The following TMPRSS2 variants were observed in gnomAD, a reference collection of about 807,000 sequenced individuals.
TMPRSS2 encodes the protein transmembrane serine protease 2.
Under a neutral mutation model 67.4 loss-of-function variants are expected in TMPRSS2, and 59 were observed. The ratio of observed to expected loss-of-function variants is 0.88; its 90% CI spans 0.71 to 1.09. The LOEUF (loss-of-function observed/expected upper bound fraction) is 1.09, where lower values mean the gene tolerates loss of function less well. Ranked by LOEUF, TMPRSS2 falls within the 50% of genes least tolerant of loss-of-function variation. The pLI is 0.00. For missense variants in TMPRSS2, 668 were observed against 642.7 expected (o/e 1.04, Z -0.43); for synonymous variants, 257 against 257.0 (o/e 1.00, Z 0.00).
Position 41,465,871 on chromosome 21 carries a change from C to T in TMPRSS2, c.*271G>A, listed in dbSNP as rs569561312. 5.8e-6 allele frequency: 3 copies of T among 517,866 alleles called. No individual in the cohort carries two copies. The East Asian group carries it at 9.7e-5, about 17-fold the overall frequency. The allele number at this position is 517,866 out of a possible 1,614,324, so 32.1% of individuals were successfully genotyped here. On this transcript the variant is annotated 3_prime_UTR_variant, in exon 14 of 14. Coordinates refer to ENST00000332149, the MANE Select transcript of TMPRSS2 (RefSeq NM_005656.4). ...CAGCAGGAAGATCTCAATGGGGCAGCCTCCACCCCTCTCCTCCACACTTGA... is the reference window on the plus strand; with the variant it reads ...CAGCAGGAAGATCTCAATGGGGCAGTCTCCACCCCTCTCCTCCACACTTGA...
chr21:41,502,290 C>G (rs2091429655), intron 1 of TMPRSS2: 1 of 769,294 alleles, frequency 1.3e-6, no homozygotes, highest in African/African-American at 1.9e-5. Context: ...AACAACCAAG[C>G]CAACGCGAAT....
chr21:41,482,267 G>A (rs1323068587), intron 5 of TMPRSS2, among the ~76,000 whole-genome samples: 1 of 152,050 alleles, frequency 6.6e-6, no homozygotes, highest in Non-Finnish European at 1.5e-5. Context: ...CTCCCTAGAG[G>A]TAACCACCAT....
chr21:41,467,802 T>G lies in TMPRSS2; in HGVS notation c.1399A>C (p.Lys467Gln), dbSNP rs1179096287. ...GDTSWGSGCA[K>Q]AYRPGVYGNV... ...CCGTACACTCCTGGTCTGTAAGCTT[T>G]GGCACAGCCAGAACCCCAGCTTGTA... The change falls in exon 13 of 14, where the codon AAA becomes CAA. Residue 467 changes from lysine (K) to glutamine (Q), a missense_variant. Coordinates refer to ENST00000332149, the MANE Select transcript of TMPRSS2 (RefSeq NM_005656.4). 28 of 1,614,126 alleles carry G rather than the reference T, an allele frequency of 1.7e-5. No homozygotes were observed. Among genetic ancestry groups the G allele is most frequent in the Non-Finnish European group, 2.3e-5 (27 of 1,180,060 alleles).
chr21:41,499,273 A>T (rs949990671), intron 1 of TMPRSS2, among the ~76,000 whole-genome samples: 7 of 152,182 alleles, frequency 4.6e-5, no homozygotes, highest in African/African-American at 1.7e-4. Flanking sequence ...TAACAATAAT[A>T]GCTAGAGATG....
rs2091097556 is a variant in TMPRSS2, at chr21:41,467,843, C to T, written c.1358G>A (p.Trp453Ter). 2.5e-6 allele frequency: 4 copies of T among 1,614,098 alleles called. No homozygotes were observed. The highest frequency in any genetic ancestry group is 2.5e-6 in the Non-Finnish European group (3 of 1,180,048). The change falls in exon 13 of 14, where the codon TGG (tryptophan) becomes TAG (stop). Residue 453 changes from tryptophan (W) to a stop codon, truncating the protein, a stop_gained. Coordinates refer to ENST00000332149, the MANE Select transcript of TMPRSS2 (RefSeq NM_005656.4). LOFTEE classifies it high-confidence loss of function. Reference protein sequence around the residue: ...GPLVTSKNNIWWLIGDTSWGS... With the variant: ...GPLVTSKNNI ...CCAGCTTGTATCCCCTATCAGCCAC[C>T]AGATATTGTTCTTCGAAGTGACCAG...
intron 1 of TMPRSS2, among the ~76,000 whole-genome samples, chr21:41,499,961 G>C (rs2091412709): frequency 6.6e-6 from 1 of 152,206 alleles, no homozygotes; most frequent in Non-Finnish European, 1.5e-5. Context: ...AGAACCTGGA[G>C]GAGGCTCTGG....
chr21:41,489,423 C>G (rs2091319993), intron 4 of TMPRSS2, 84 bp downstream of exon 4: 1 of 1,176,156 alleles, frequency 8.5e-7, no homozygotes. Flanking sequence ...CTCCAGAGGT[C>G]TCAATAGCCC....
intron 1 of TMPRSS2, chr21:41,506,414 A>G (rs2091458348): frequency 6.6e-6 from 1 of 152,298 alleles, no homozygotes; most frequent in Non-Finnish European, 1.5e-5. Context: ...TCCTTACCCG[A>G]GGGTGTTGCT....
rs758778273 is a variant in TMPRSS2, at chr21:41,488,406, C to T, written c.433G>A (p.Glu145Lys). Residue 145 changes from glutamate (E) to lysine (K), a missense_variant, in exon 5 of 14, where the codon GAG becomes AAG. Coordinates refer to ENST00000332149, the MANE Select transcript of TMPRSS2 (RefSeq NM_005656.4). Reference sequence around the variant, plus strand: ...AAGGCTGACTCACCACACCGATTCTCGTCCTCCCCGCCGGGGCAGTGTGAC... The same window carrying T: ...AAGGCTGACTCACCACACCGATTCTTGTCCTCCCCGCCGGGGCAGTGTGAC... ...GVSHCPGGED[E>K]NRCVRLYGPN... 3.2e-5 allele frequency: 52 copies of T among 1,612,646 alleles called. No homozygotes were observed. The highest frequency in any genetic ancestry group is 2.9e-4 in the East Asian group (13 of 44,874).
intron 1 of TMPRSS2, among the ~76,000 whole-genome samples, chr21:41,501,626 A>AG (rs1445777702): frequency 1.3e-5 from 2 of 150,886 alleles, no homozygotes; most frequent in African/African-American, 4.9e-5. Context: ...AAAAAAAAAA[A>AG]AAAAAAAAAA....
chr21:41,486,070 A>T (rs1010887357), intron 5 of TMPRSS2, among the ~76,000 whole-genome samples: 9 of 152,252 alleles, frequency 5.9e-5, no homozygotes, highest in African/African-American at 2.2e-4. Flanking sequence ...TGGTTTCTAC[A>T]GAAAACTCCA....
chr21:41,495,277 T>C (rs1193035272), intron 2 of TMPRSS2, among the ~76,000 whole-genome samples: 1 of 152,152 alleles, frequency 6.6e-6, no homozygotes, highest in East Asian at 1.9e-4. Flanking sequence ...GACAATTTAA[T>C]ACAATATTTA....
chr21:41,494,512 C>T lies in TMPRSS2; in HGVS notation c.82G>A (p.Ala28Thr), dbSNP rs61735791. 4,227 of 1,613,844 alleles carry T rather than the reference C, an allele frequency of 2.6e-3. 5 individuals are homozygous for T. Among genetic ancestry groups the T allele is most frequent in the East Asian group, 4.7e-3 (212 of 44,874 alleles). ...ACAGTGGGGACCACAGTGGGCTGTG[C>T]GGGATAGGGGTTTTCCGGTTGGTAT... The part of the protein sequence containing the change: ...HGYQPENPYP[A>T]QPTVVPTVYE... The change falls in exon 3 of 14, where the codon GCA (alanine) becomes ACA (threonine). Residue 28 changes from alanine to threonine, a missense_variant. Physicochemically the swap from Ala to Thr is moderately conservative, Grantham distance 58 (BLOSUM62 0). Coordinates refer to ENST00000332149, the MANE Select transcript of TMPRSS2 (RefSeq NM_005656.4).
chr21:41,497,611 C>T (rs1338088967), intron 2 of TMPRSS2, among the ~76,000 whole-genome samples: 2 of 152,158 alleles, frequency 1.3e-5, no homozygotes, highest in Admixed American at 6.5e-5. Flanking sequence ...ACTAAATGCA[C>T]TTATTTTAGG....
chr21:41,507,347 G>A (rs1396779777), intron 1 of TMPRSS2, among the ~76,000 whole-genome samples: 2 of 152,092 alleles, frequency 1.3e-5, no homozygotes, highest in East Asian at 3.9e-4. Context: ...AGCCAGACCG[G>A]CTCCTCCCGG....
In TMPRSS2 at chr21:41,473,308, C is replaced by A; in HGVS notation, c.899+17G>T. 6.4e-7 allele frequency: 1 copy of A among 1,568,168 alleles called. No homozygotes were observed. The highest frequency in any genetic ancestry group is 8.7e-7 in the Non-Finnish European group (1 of 1,153,936). On this transcript the variant is annotated intron_variant, in intron 9 of 13. Coordinates refer to ENST00000332149, the MANE Select transcript of TMPRSS2 (RefSeq NM_005656.4). ...CAGCCCTGAGCCCCCACCCGGCCCG[C>A]GCCGCCCCTGGCATACTTTTCCACG... is the stretch of plus-strand genomic sequence containing the variant.
intron 11 of TMPRSS2, among the ~76,000 whole-genome samples, chr21:41,469,654 C>A (rs1367441410): frequency 9.2e-5 from 14 of 152,122 alleles, no homozygotes; most frequent in Non-Finnish European, 1.5e-5. Flanking sequence ...TTCAAAATAG[C>A]CGGGACCTTG....
intron 10 of TMPRSS2, among the ~76,000 whole-genome samples, chr21:41,471,003 AT>A (rs1569010083): frequency 6.6e-6 from 1 of 152,250 alleles, no homozygotes; most frequent in African/African-American, 2.4e-5. Flanking sequence ...TGCTTCCAAA[AT>A]TACATATCTC....
intron 1 of TMPRSS2, among the ~76,000 whole-genome samples, chr21:41,500,844 G>C (rs990714397): frequency 1.3e-5 from 2 of 152,190 alleles, no homozygotes; most frequent in African/African-American, 4.8e-5. Flanking sequence ...GGATCCTCAG[G>C]CTTGACAACA....
Sources: gnomAD v4.1 joint callset for allele counts (sites outside exome capture counted in the v4.1 genomes callset) on GRCh38, gnomAD v4.1.1 for gene constraint, MANE v1.5 for transcripts, NCBI Gene and HGNC (gene_info 2026-07-23, HGNC 2026-07-21) for gene names.